The following PTTG1IP variants were observed in gnomAD, a reference collection of about 807,000 sequenced individuals.
The protein encoded by PTTG1IP is pituitary tumor-transforming gene 1 protein-interacting protein.
A neutral mutation model predicts 24.4 loss-of-function variants in PTTG1IP; 16 were observed. The ratio of observed to expected loss-of-function variants is 0.66; its 90% CI spans 0.44 to 1.00. PTTG1IP has a LOEUF of 1.00. PTTG1IP is among the 50% of genes least tolerant of loss of function. The pLI is 0.00. For missense variants in PTTG1IP, 241 were observed against 245.8 expected (o/e 0.98, Z 0.13); for synonymous variants, 89 against 96.8 (o/e 0.92, Z 0.47).
At chr21:44,873,440 C>G in intron 1 of PTTG1IP, 62 bp downstream of exon 1, 3 of 1,251,952 alleles carry the variant, frequency 2.4e-6, no homozygotes, top group Non-Finnish European at 3.0e-6. Flanking sequence ...GACCCCGACC[C>G]CGACCTGGAC....
At chr21:44,871,520 C>G (rs541676430) in intron 1 of PTTG1IP, among the ~76,000 whole-genome samples, 1 of 152,340 alleles carries the variant, frequency 6.6e-6, no homozygotes, top group Non-Finnish European at 1.5e-5. Context: ...TGTCTCTCCT[C>G]CATCAAAACA....
intron 5 of PTTG1IP, among the ~76,000 whole-genome samples, chr21:44,853,526 A>AAT (rs2083426190): frequency 6.6e-6 from 1 of 151,874 alleles, no homozygotes; most frequent in African/African-American, 2.4e-5. Flanking sequence ...AAAAAAAAAA[A>AAT]AATTAGGTGC....
At chr21:44,869,576 G>C (rs1040587454) in intron 1 of PTTG1IP, among the ~76,000 whole-genome samples, 1 of 152,286 alleles carries the variant, frequency 6.6e-6, no homozygotes, top group Middle Eastern at 3.4e-3. Flanking sequence ...TGGGATTACA[G>C]GTGTGAGCAA....
rs2083608548 is a variant in PTTG1IP, at chr21:44,873,572, C to G, written c.45G>C (p.Leu15Phe). Residue 15 changes from leucine (L) to phenylalanine (F), a missense_variant, in exon 1 of 6, where the codon TTG becomes TTC. Physicochemically the swap from Leu to Phe is conservative, Grantham distance 22 (BLOSUM62 0). Coordinates refer to ENST00000330938, the MANE Select transcript of PTTG1IP (RefSeq NM_004339.4). ...VARGPTPYWR[L>F]RLGGAALLLL... ...GGAGCAGCGCGGCGCCACCGAGGCG[C>G]AACCTCCAGTACGGCGTCGGCCCGC... 2 of 1,472,282 alleles carry G rather than the reference C, an allele frequency of 1.4e-6. No homozygotes were observed. The highest frequency in any genetic ancestry group is 4.8e-5 in the Admixed American group (2 of 41,664). 91.2% of individuals were successfully genotyped at this position (1,472,282 alleles called of 1,614,324 possible).
At chr21:44,868,737 A>G (rs1370257013) in intron 1 of PTTG1IP, among the ~76,000 whole-genome samples, 3 of 152,236 alleles carry the variant, frequency 2.0e-5, no homozygotes, top group Non-Finnish European at 4.4e-5. Flanking sequence ...TCCATTTTAC[A>G]ATCATCACAG....
intron 2 of PTTG1IP, among the ~76,000 whole-genome samples, chr21:44,862,404 A>G (rs1220629765): frequency 6.6e-6 from 1 of 152,248 alleles, no homozygotes; most frequent in Non-Finnish European, 1.5e-5. Context: ...CTGTAATCCC[A>G]GCTACTCCAG....
chr21:44,861,876 A>G, intron 2 of PTTG1IP: 1 of 717,030 alleles, frequency 1.4e-6, no homozygotes, highest in Non-Finnish European at 2.6e-6. Flanking sequence ...TTGGGTGAGC[A>G]TGGTCACCAT....
chr21:44,855,934 C>G (rs1335876013), intron 4 of PTTG1IP, among the ~76,000 whole-genome samples: 1 of 152,202 alleles, frequency 6.6e-6, no homozygotes, highest in South Asian at 2.1e-4. Flanking sequence ...CGTGTCACCG[C>G]GCACAGACTC....
chr21:44,861,783 C>T (rs1387251874), intron 2 of PTTG1IP: 1 of 717,590 alleles, frequency 1.4e-6, no homozygotes, highest in Admixed American at 2.0e-5. Context: ...GGCACCTGTG[C>T]ACTTCACTGG....
chr21:44,856,044 CACG>C, intron 4 of PTTG1IP, 146 bp downstream of exon 4: 1 of 1,502,746 alleles, frequency 6.7e-7, no homozygotes, highest in South Asian at 1.3e-5. Context: ...CGCTCTCTAC[CACG>C]ACCTAGAAGA....
intron 1 of PTTG1IP, chr21:44,872,910 A>C (rs1333862405): frequency 6.6e-6 from 1 of 152,350 alleles, no homozygotes; most frequent in African/African-American, 2.4e-5. Flanking sequence ...CAGATGCTAC[A>C]GCCTGGCTTT....
chr21:44,857,722 T>C (rs1192448104), intron 3 of PTTG1IP, among the ~76,000 whole-genome samples: 1 of 152,244 alleles, frequency 6.6e-6, no homozygotes, highest in Non-Finnish European at 1.5e-5. Flanking sequence ...CTCACCCCTC[T>C]GCTGCCCCGG....
intron 2 of PTTG1IP, among the ~76,000 whole-genome samples, chr21:44,864,898 A>C (rs2083523100): frequency 6.6e-6 from 1 of 152,316 alleles, no homozygotes; most frequent in South Asian, 2.1e-4. Flanking sequence ...GGTAGTTAAA[A>C]TCCAAACCTG....
At chr21:44,856,472 G>A in intron 3 of PTTG1IP, 108 bp from the exon 4 acceptor site, 1 of 1,284,936 alleles carries the variant, frequency 7.8e-7, no homozygotes. Context: ...AGGAGCATAA[G>A]GAGGAAAGCC....
At chr21:44,854,163 C>T (rs961124770) in intron 5 of PTTG1IP, among the ~76,000 whole-genome samples, 2 of 152,188 alleles carry the variant, frequency 1.3e-5, no homozygotes, top group Non-Finnish European at 2.9e-5. Flanking sequence ...ACCCCCCACC[C>T]GATGACCGAG....
At chr21:44,867,665 C>T (rs2838721) in intron 1 of PTTG1IP, among the ~76,000 whole-genome samples, 18,901 of 152,302 alleles carry the variant, frequency 0.12, 1,256 homozygotes, top group Middle Eastern at 0.16. Flanking sequence ...CTGACATTCA[C>T]GCAGGCGTGG....
intron 5 of PTTG1IP, among the ~76,000 whole-genome samples, chr21:44,852,049 C>T (rs189024257): frequency 1.0e-3 from 152 of 152,310 alleles, no homozygotes; most frequent in Middle Eastern, 6.8e-3. Context: ...ATCTAACTCT[C>T]GAGTACTCTG....
At chr21:44,860,343 C>T (rs1415442466) in intron 3 of PTTG1IP, among the ~76,000 whole-genome samples, 2 of 151,752 alleles carry the variant, frequency 1.3e-5, no homozygotes, top group African/African-American at 4.8e-5. Flanking sequence ...CACTCCAGCC[C>T]GTCTCAAAAA....
chr21:44,871,283 A>G (rs2083583201), intron 1 of PTTG1IP, among the ~76,000 whole-genome samples: 1 of 152,190 alleles, frequency 6.6e-6, no homozygotes, highest in African/African-American at 2.4e-5. Flanking sequence ...TCCCCACTGT[A>G]AGGAGCAGCT....
Sources: gnomAD v4.1 joint callset for allele counts (sites outside exome capture counted in the v4.1 genomes callset) on GRCh38, gnomAD v4.1.1 for gene constraint, MANE v1.5 for transcripts, NCBI Gene and HGNC (gene_info 2026-07-23, HGNC 2026-07-21) for gene names.